MMP26: variants seen among roughly 807,000 people sequenced by gnomAD.
MMP26 encodes the protein matrix metallopeptidase 26.
A neutral mutation model predicts 31.0 loss-of-function variants in MMP26; 33 were observed. That is an observed-to-expected ratio of 1.06 (90% confidence interval 0.81 to 1.42). MMP26 has a LOEUF of 1.42. MMP26 is among the 40% of genes most tolerant of loss of function. The probability of loss-of-function intolerance (pLI) is 0.00; values close to 1 mark genes in which losing one functional copy is unlikely to be tolerated. For missense variants in MMP26, 347 were observed against 316.1 expected (o/e 1.10, Z -0.74); for synonymous variants, 122 against 114.9 (o/e 1.06, Z -0.40).
chr11:4,736,008 A>G (rs1030644079), intron 1 of MMP26, among the ~76,000 whole-genome samples: 16 of 152,122 alleles, frequency 1.1e-4, no homozygotes, highest in African/African-American at 3.6e-4. Flanking sequence ...ATTAAATATA[A>G]AGAATAAATT....
chr11:4,960,967 G>A (rs1205593803), intron 2 of MMP26, among the ~76,000 whole-genome samples: 27 of 152,124 alleles, frequency 1.8e-4, no homozygotes, highest in Non-Finnish European at 1.5e-5. Context: ...ATGTATAAAT[G>A]CATGAAGCTA....
At chr11:4,754,376 C>T (rs7946724) in intron 1 of MMP26, among the ~76,000 whole-genome samples, 13,206 of 151,718 alleles carry the variant, frequency 0.087, 1,186 homozygotes, top group African/African-American at 0.23. Context: ...ATTTGTATGG[C>T]TCAGACGTGA....
intron 2 of MMP26, among the ~76,000 whole-genome samples, chr11:4,897,838 C>T (rs1290040619): frequency 6.6e-6 from 1 of 150,846 alleles, no homozygotes; most frequent in East Asian, 1.9e-4. Flanking sequence ...ATGTTTCTAC[C>T]TGTGTTGCAA....
chr11:4,942,829 T>C (rs144977005), intron 2 of MMP26: 8 of 152,300 alleles, frequency 5.3e-5, no homozygotes, highest in African/African-American at 1.7e-4. Flanking sequence ...ATGTGACATG[T>C]ATGGGGACTC....
intron 2 of MMP26, among the ~76,000 whole-genome samples, chr11:4,843,338 G>T (rs1424876410): frequency 6.6e-6 from 1 of 152,224 alleles, no homozygotes; most frequent in Admixed American, 6.5e-5. Flanking sequence ...CACCCCTGCA[G>T]CAGACTTCTG....
intron 1 of MMP26, among the ~76,000 whole-genome samples, chr11:4,755,084 G>A (rs1293517850): frequency 6.6e-6 from 1 of 151,898 alleles, no homozygotes; most frequent in African/African-American, 2.4e-5. Context: ...ACTAATTTCT[G>A]TTTTTATTGG....
At chr11:4,714,920 T>TCTCACACA (rs376354906) in intron 1 of MMP26, among the ~76,000 whole-genome samples, 15 of 141,696 alleles carry the variant, frequency 1.1e-4, no homozygotes, top group African/African-American at 3.0e-4. Context: ...TCTCTCTCTC[T>TCTCACACA]CACACACACA....
chr11:4,852,847 T>A (rs896247879), intron 2 of MMP26, among the ~76,000 whole-genome samples: 1 of 152,090 alleles, frequency 6.6e-6, no homozygotes, highest in African/African-American at 2.4e-5. Flanking sequence ...TTAAAAAGTG[T>A]GATAGATATA....
In MMP26 at chr11:4,846,944, A is replaced by T. The variant is rs1376121719; in HGVS notation, c.-145+79603A>T. ...CAGTAGGTTGTCAGAGACCCTCTTC[A>T]TCTAGGCTGCTTTGACTTGCTGGCT... On this transcript the variant is annotated intron_variant, in intron 2 of 7. Coordinates refer to ENST00000380390, the MANE Select transcript of MMP26 (RefSeq NM_021801.5). 3.3e-5 allele frequency among the ~76,000 whole-genome samples: 5 copies of T among 152,334 alleles called. No homozygotes were observed. In the East Asian group the frequency reaches 9.6e-4, roughly 29 times the overall value.
At chr11:4,892,303 G>A (rs1850637155) in intron 2 of MMP26, among the ~76,000 whole-genome samples, 1 of 152,148 alleles carries the variant, frequency 6.6e-6, no homozygotes, top group South Asian at 2.1e-4. Context: ...AGATCCTTTT[G>A]GACAGTGTAT....
chr11:4,989,643 T>G lies in MMP26; in HGVS notation c.100-5T>G, dbSNP rs953457680. On this transcript the variant is annotated splice_region_variant and splice_polypyrimidine_tract_variant and intron_variant, in intron 3 of 7. Transcript: ENST00000380390. ...TTAGTACTCATCCTTCTTGATCTGATTCAGGGCTATTTCCATCAATTTTTC... is the reference window on the plus strand; with the variant it reads ...TTAGTACTCATCCTTCTTGATCTGAGTCAGGGCTATTTCCATCAATTTTTC... 1.2e-6 allele frequency: 2 copies of G among 1,608,758 alleles called. No individual in the cohort carries two copies. Among genetic ancestry groups the G allele is most frequent in the African/African-American group, 1.3e-5 (1 of 74,854 alleles).
In MMP26 at chr11:4,954,970, T is replaced by G. The variant is rs1476938326; in HGVS notation, c.-144-33098T>G. The stretch of plus-strand genomic sequence containing the variant: ...TGATGGGCAGGTAGAAGATGATCAC[T>G]GCACAGATGTGTGAAACACAAGTAT... On this transcript the variant is annotated intron_variant, in intron 2 of 7. Coordinates refer to ENST00000380390, the MANE Select transcript of MMP26 (RefSeq NM_021801.5). The G allele has an allele frequency of 1.5e-5, 20 of 1,347,928 alleles. 2 individuals are homozygous for G. The highest frequency in any genetic ancestry group is 2.1e-5 in the Non-Finnish European group (20 of 973,804). 83.5% of individuals were successfully genotyped at this position (1,347,928 alleles called of 1,614,324 possible).
intron 2 of MMP26, among the ~76,000 whole-genome samples, chr11:4,940,561 CT>C (rs1846192690): frequency 6.6e-6 from 1 of 152,124 alleles, no homozygotes; most frequent in Non-Finnish European, 1.5e-5. Context: ...GGAAAGAATC[CT>C]TTAAGCTCCT....
intron 2 of MMP26, among the ~76,000 whole-genome samples, chr11:4,961,935 A>C (rs1416738526): frequency 6.6e-6 from 1 of 152,220 alleles, no homozygotes; most frequent in African/African-American, 2.4e-5. Context: ...TTTGCCTTTA[A>C]TATGGAAATA....
At chr11:4,723,520 T>C in intron 1 of MMP26, 1 of 1,187,876 alleles carries the variant, frequency 8.4e-7, no homozygotes, top group Non-Finnish European at 1.3e-6. Context: ...CCTGAGGAAG[T>C]TGATCTCGTC....
At chr11:4,800,642 G>T (rs1849168284) in intron 2 of MMP26, among the ~76,000 whole-genome samples, 1 of 152,126 alleles carries the variant, frequency 6.6e-6, no homozygotes, top group Admixed American at 6.6e-5. Context: ...GAGCTTACTT[G>T]ACTTCCTCCC....
chr11:4,769,856 C>T (rs368681924), intron 2 of MMP26: 1 of 1,613,092 alleles, frequency 6.2e-7, no homozygotes, highest in Non-Finnish European at 8.5e-7. Flanking sequence ...AGACTCTAGG[C>T]CAGGAATGCC....
At chr11:4,749,654 G>A (rs902061877) in intron 1 of MMP26, among the ~76,000 whole-genome samples, 3 of 151,992 alleles carry the variant, frequency 2.0e-5, no homozygotes, top group Non-Finnish European at 2.9e-5. Flanking sequence ...CTGTGACAGT[G>A]TTGACAAAAA....
intron 1 of MMP26, among the ~76,000 whole-genome samples, chr11:4,760,123 G>A (rs1001503670): frequency 2.0e-4 from 31 of 152,116 alleles, no homozygotes; most frequent in African/African-American, 4.3e-4. Flanking sequence ...ATTATTAGTC[G>A]TCTCAGATAA....
Sources: gnomAD v4.1 joint callset for allele counts (sites outside exome capture counted in the v4.1 genomes callset) on GRCh38, gnomAD v4.1.1 for gene constraint, MANE v1.5 for transcripts, NCBI Gene and HGNC (gene_info 2026-07-23, HGNC 2026-07-21) for gene names.